ZNF763: variants seen among roughly 807,000 people sequenced by gnomAD.
The protein encoded by ZNF763 is DNA-binding protein.
A neutral mutation model predicts 38.0 loss-of-function variants in ZNF763; 33 were observed. The observed-to-expected ratio is 0.87, with a 90% CI of 0.66 to 1.16. The LOEUF is 1.16. ZNF763 is among the 50% of genes most tolerant of loss of function. ZNF763 has a pLI of 0.00. For synonymous variants in ZNF763, 155 were observed against 160.1 expected, an observed-to-expected ratio of 0.97 and a Z score of 0.24; for missense variants, 423 against 469.1, an observed-to-expected ratio of 0.90 and a Z score of 0.91.
At chr19:11,966,772 G>T (rs1383667497) in intron 1 of ZNF763, among the ~76,000 whole-genome samples, 1 of 152,124 alleles carries the variant, frequency 6.6e-6, no homozygotes, top group Non-Finnish European at 1.5e-5. Flanking sequence ...CAGAGATGCA[G>T]TTGCCTTATT....
intron 1 of ZNF763, among the ~76,000 whole-genome samples, chr19:11,975,894 T>C (rs1218466481): frequency 6.6e-6 from 1 of 151,840 alleles, no homozygotes; most frequent in Non-Finnish European, 1.5e-5. Flanking sequence ...TTTGCCCTCT[T>C]GTGTACTTAC....
At chr19:11,969,132 TCTCA>T (rs1973298585) in intron 1 of ZNF763, among the ~76,000 whole-genome samples, 1 of 152,156 alleles carries the variant, frequency 6.6e-6, no homozygotes, top group Admixed American at 6.5e-5. Context: ...TGAGACAGGG[TCTCA>T]CTCTGTCGGC....
intron 1 of ZNF763, among the ~76,000 whole-genome samples, chr19:11,967,400 C>G (rs924973294): frequency 2.0e-5 from 3 of 152,086 alleles, no homozygotes; most frequent in African/African-American, 7.2e-5. Context: ...CAGCAAGACC[C>G]TGTCTCTATT....
At chr19:11,968,746 G>A (rs977542114) in intron 1 of ZNF763, among the ~76,000 whole-genome samples, 1 of 152,216 alleles carries the variant, frequency 6.6e-6, no homozygotes, top group Admixed American at 6.5e-5. Flanking sequence ...GGGGCCTGGC[G>A]GGATGGCTCA....
At chr19:11,976,673 CCTGACCAA>C (rs1462173630) in intron 1 of ZNF763, 1 of 229,276 alleles carries the variant, frequency 4.4e-6, no homozygotes, top group Non-Finnish European at 8.3e-6. Flanking sequence ...TCAAGACCAG[CCTGACCAA>C]CATGGAGAAA....
At chr19:11,973,371 C>A (rs570203330) in intron 1 of ZNF763, among the ~76,000 whole-genome samples, 1 of 152,076 alleles carries the variant, frequency 6.6e-6, no homozygotes, top group East Asian at 1.9e-4. Flanking sequence ...TGTTGCTTGA[C>A]GACTCATTTA....
In ZNF763 at chr19:11,965,216, G is replaced by T. The variant is rs763028826; in HGVS notation, c.3+5G>T. 6 of 1,614,098 alleles carry T rather than the reference G, an allele frequency of 3.7e-6. No individual in the cohort carries two copies. The Admixed American group carries it at 8.3e-5, about 22-fold the overall frequency. On this transcript the variant is annotated splice_donor_5th_base_variant and intron_variant, in intron 1 of 3. Coordinates refer to ENST00000358987, the MANE Select transcript of ZNF763 (RefSeq NM_001367172.2). ...ACATCTGAAAGCCAGGAAATGGTGC[G>T]TGTGCATAGCCGGTTGTCCCGAGAC...
intron 1 of ZNF763, among the ~76,000 whole-genome samples, chr19:11,974,190 CTT>C (rs1324869575): frequency 0.11 from 4,689 of 40,932 alleles, 453 homozygotes; most frequent in African/African-American, 0.34. Context: ...TTCTTTCTTT[CTT>C]TCTCTCTTTT....
At chr19:11,965,986 T>G (rs890295671) in intron 1 of ZNF763, among the ~76,000 whole-genome samples, 1 of 151,944 alleles carries the variant, frequency 6.6e-6, no homozygotes, top group African/African-American at 2.4e-5. Flanking sequence ...AGTGTGAAGT[T>G]TGTCTAAAGT....
At position 11,980,150 on chromosome 19, in the gene ZNF763, C is replaced by A; in HGVS notation, c.*1041C>A. The A allele has an allele frequency of 7.0e-6, 5 of 712,388 alleles. No individual in the cohort carries two copies. The highest frequency in any genetic ancestry group is 9.2e-6 in the Non-Finnish European group (4 of 435,712). The allele number at this position is 712,388 out of a possible 1,614,324, so 44.1% of individuals were successfully genotyped here. A position where few individuals can be genotyped will look rare whatever the true frequency, so the allele number is the denominator to read the frequency against. On this transcript the variant is annotated 3_prime_UTR_variant, in exon 4 of 4. Transcript: ENST00000358987. Reference sequence around the variant, plus strand: ...GACTCACACTGGATAGAAACCAAAGCAGGTGAATCACCTGAGGTCAGGAGT... The same window carrying A: ...GACTCACACTGGATAGAAACCAAAGAAGGTGAATCACCTGAGGTCAGGAGT...
chr19:11,971,194 T>C (rs1174315602), intron 1 of ZNF763, among the ~76,000 whole-genome samples: 1 of 152,122 alleles, frequency 6.6e-6, no homozygotes, highest in Non-Finnish European at 1.5e-5. Flanking sequence ...GTTCAGGGAG[T>C]TGGCAGATCT....
chr19:11,971,703 C>T (rs962317707), intron 1 of ZNF763, among the ~76,000 whole-genome samples: 3 of 152,028 alleles, frequency 2.0e-5, no homozygotes, highest in Non-Finnish European at 2.9e-5. Flanking sequence ...TCAGTGTAGA[C>T]TTTTTGCATA....
At chr19:11,968,748 G>A (rs1316807650) in intron 1 of ZNF763, among the ~76,000 whole-genome samples, 1 of 152,140 alleles carries the variant, frequency 6.6e-6, no homozygotes, top group Admixed American at 6.5e-5. Context: ...GGCCTGGCGG[G>A]ATGGCTCACA....
rs1177618111 is a variant in ZNF763, at chr19:11,974,126, T to TTTCTTTC, written c.4-2910_4-2909insCTTTCTT. On this transcript the variant is annotated intron_variant, in intron 1 of 3. Transcript: ENST00000358987. ...CTTTCTTTCTTTCTTTCTTTCTTTCTTTTCTTTCTTTCTTTCTTTCTTTCT... is the reference window on the plus strand; with the variant it reads ...CTTTCTTTCTTTCTTTCTTTCTTTCTTTCTTTCTTTCTTTCTTTCTTTCTTTCTTTCT... Among the ~76,000 whole-genome samples, 116 of 55,068 alleles carry TTTCTTTC rather than the reference T, an allele frequency of 2.1e-3. No individual in the cohort carries two copies. In the Middle Eastern group the frequency reaches 0.037, roughly 18 times the overall value. The allele number at this position is 55,068 out of a possible 152,430, so 36.1% of individuals were successfully genotyped here.
Position 11,978,774 on chromosome 19 carries a change from T to C in ZNF763, c.850T>C (p.Tyr284His). 6.2e-7 allele frequency: 1 copy of C among 1,614,168 alleles called. No individual in the cohort carries two copies. The highest frequency in any genetic ancestry group is 8.5e-7 in the Non-Finnish European group (1 of 1,180,024). ...AAGAACCCACACTGGGGGAAAGCCATATGAATGTAAACAATGTGGCAAATC... is the reference window on the plus strand; with the variant it reads ...AAGAACCCACACTGGGGGAAAGCCACATGAATGTAAACAATGTGGCAAATC... ...HKRTHTGGKP[Y>H]ECKQCGKSFS... The change falls in exon 4 of 4, where the codon TAT becomes CAT. Residue 284 changes from tyrosine to histidine, a missense_variant. By Grantham distance (83) the Tyr-to-His change is moderately conservative. Transcript: ENST00000358987.
intron 3 of ZNF763, 96 bp from the exon 4 acceptor site, chr19:11,978,020 A>G (rs1281334222): frequency 2.0e-6 from 3 of 1,463,560 alleles, no homozygotes; most frequent in Non-Finnish European, 1.9e-6. Context: ...CAGAAAGCCT[A>G]CACCTTGATG....
chr19:11,980,013 C>G lies in ZNF763; in HGVS notation c.*904C>G. On this transcript the variant is annotated 3_prime_UTR_variant, in exon 4 of 4. Coordinates refer to ENST00000358987, the MANE Select transcript of ZNF763 (RefSeq NM_001367172.2). ...AAGCAATGTGGGAAAGCCTTTATTT[C>G]TTTCACTTCTTTTCGATAACATGAA... The G allele has an allele frequency of 8.9e-7, 1 of 1,128,290 alleles. No homozygotes were observed. Among genetic ancestry groups the G allele is most frequent in the Non-Finnish European group, 1.3e-6 (1 of 760,064 alleles). 69.9% of individuals were successfully genotyped at this position (1,128,290 alleles called of 1,614,324 possible). A position where few individuals can be genotyped will look rare whatever the true frequency, so the allele number is the denominator to read the frequency against.
chr19:11,969,770 G>T (rs929692297), intron 1 of ZNF763, among the ~76,000 whole-genome samples: 2 of 152,180 alleles, frequency 1.3e-5, no homozygotes, highest in Non-Finnish European at 2.9e-5. Flanking sequence ...GGAAAGCAGA[G>T]AATAACCACT....
In ZNF763 at chr19:11,979,050, G is replaced by A; in HGVS notation, c.1126G>A (p.Ala376Thr). Reference sequence around the variant, plus strand: ...TTATGAATGTAAGCAGTGTGGGAAAGCATTATCTTATAAGTTTTCAAACAC... The same window carrying A: ...TTATGAATGTAAGCAGTGTGGGAAAACATTATCTTATAAGTTTTCAAACAC... ...KPYECKQCGKALSYKFSNTPK... is the reference protein window; with the variant it reads ...KPYECKQCGKTLSYKFSNTPK... The change falls in exon 4 of 4, where the codon GCA becomes ACA. Residue 376 changes from alanine (A) to threonine (T), a missense_variant. Transcript: ENST00000358987. The A allele has an allele frequency of 6.2e-7, 1 of 1,614,228 alleles. No homozygotes were observed. The highest frequency in any genetic ancestry group is 8.5e-7 in the Non-Finnish European group (1 of 1,180,038).
Sources: allele counts gnomAD v4.1 joint callset (sites outside exome capture counted in the v4.1 genomes callset), GRCh38; gene constraint gnomAD v4.1.1; transcripts MANE v1.5; gene names NCBI Gene and HGNC (gene_info 2026-07-23, HGNC 2026-07-21).